The following RBM20 variants were observed in gnomAD, a reference collection of about 807,000 sequenced individuals.
RBM20 encodes RNA-binding protein 20.
RBM20 carries 51 observed loss-of-function variants against 110.1 expected under a neutral mutation model. That is an observed-to-expected ratio of 0.46 (90% CI 0.37 to 0.59). The LOEUF (loss-of-function observed/expected upper bound fraction) is 0.59. Ranked by LOEUF, RBM20 falls within the 20% of genes least tolerant of loss-of-function variation. The pLI, the probability that RBM20 is intolerant of heterozygous loss-of-function variation, is 0.00. For synonymous variants in RBM20, 589 were observed against 618.2 expected (o/e 0.95, Z 0.70); for missense variants, 1,512 against 1,574.9 (o/e 0.96, Z 0.68).
In RBM20 at chr10:110,782,913, A is replaced by C. The variant is rs79976826; in HGVS notation, c.1276-453A>C. The stretch of plus-strand genomic sequence containing the variant: ...TAGTCTTGGGAGGGGACTAGCTGAC[A>C]CGGGGAGGTGCTCAAGGATTTTGTC... On this transcript the variant is annotated intron_variant, in intron 2 of 13. Coordinates refer to ENST00000369519, the MANE Select transcript of RBM20 (RefSeq NM_001134363.3). Among the ~76,000 whole-genome samples the C allele has an allele frequency of 9.4e-3, 1,430 of 152,280 alleles. 16 individuals carry two copies. Among genetic ancestry groups the C allele is most frequent in the African/African-American group, 0.032 (1,342 of 41,552 alleles).
In RBM20 at chr10:110,768,324, G is replaced by A. The variant is rs565958236; in HGVS notation, c.192-12477G>A. On this transcript the variant is annotated intron_variant, in intron 1 of 13. Transcript: ENST00000369519. ...GATAGAGGCAAAAGCCAAAAGTAAT[G>A]CACATATAATATTCTCTGCCTTGGG... Among the ~76,000 whole-genome samples, 612 of 152,312 alleles carry A rather than the reference G, an allele frequency of 4.0e-3. 5 individuals are homozygous for A. Among genetic ancestry groups the A allele is most frequent in the African/African-American group, 0.014 (582 of 41,572 alleles).
In RBM20 at chr10:110,644,589, G is replaced by A. The variant is rs1564804199; in HGVS notation, c.135G>A (p.Pro45=). The A allele has an allele frequency of 2.0e-6, 3 of 1,524,516 alleles. No homozygotes were observed. Among genetic ancestry groups the A allele is most frequent in the East Asian group, 2.6e-5 (1 of 38,972 alleles). 94.4% of individuals were successfully genotyped at this position (1,524,516 alleles called of 1,614,324 possible). A position where few individuals can be genotyped will look rare whatever the true frequency, so the allele number is the denominator to read the frequency against. ...GCCCGCGAGGGATGCAGCAGCCGCCGCCGCCGCCCCAGCCACCGCCCCCGC... is the reference window on the plus strand; with the variant it reads ...GCCCGCGAGGGATGCAGCAGCCGCCACCGCCGCCCCAGCCACCGCCCCCGC... ...PSGPRGMQQP[P]PPPQPPPPPQ... is the part of the protein sequence containing the mutation. The change falls in exon 1 of 14, where the codon CCG becomes CCA. Residue 45 remains proline, a synonymous_variant. Coordinates refer to ENST00000369519, the MANE Select transcript of RBM20 (RefSeq NM_001134363.3). The surrounding 1 kb of genome is among the most constrained non-coding windows in gnomAD (Gnocchi z 4.3).
At chr10:110,747,300 G>A (rs911406973) in intron 1 of RBM20, among the ~76,000 whole-genome samples, 1 of 150,732 alleles carries the variant, frequency 6.6e-6, no homozygotes, top group Non-Finnish European at 1.5e-5. Context: ...TTTTTTTGGG[G>A]GGGGGGGTCA....
At chr10:110,826,173 T>C (rs894170850) in intron 12 of RBM20, among the ~76,000 whole-genome samples, 6 of 152,354 alleles carry the variant, frequency 3.9e-5, no homozygotes, top group Admixed American at 6.5e-5. Context: ...CCACCTCCCA[T>C]TGGATTTTAT....
intron 4 of RBM20, among the ~76,000 whole-genome samples, 173 bp downstream of exon 4, chr10:110,784,605 G>A (rs1429118211): frequency 6.6e-6 from 1 of 152,226 alleles, no homozygotes; most frequent in East Asian, 1.9e-4. Flanking sequence ...GGGCCCATCA[G>A]TATTCTCTGA....
chr10:110,684,436 A>G (rs922927853), intron 1 of RBM20, among the ~76,000 whole-genome samples: 2 of 151,896 alleles, frequency 1.3e-5, no homozygotes, highest in Non-Finnish European at 2.9e-5. Flanking sequence ...AAAGAAAAAG[A>G]AAAAGAAAAC....
chr10:110,792,454 G>T (rs763681644), intron 5 of RBM20, among the ~76,000 whole-genome samples: 2 of 152,164 alleles, frequency 1.3e-5, no homozygotes, highest in Admixed American at 6.5e-5. Flanking sequence ...TACATTCACG[G>T]TGGCATTTCA....
chr10:110,653,149 G>A (rs1861975754), intron 1 of RBM20, among the ~76,000 whole-genome samples: 2 of 152,170 alleles, frequency 1.3e-5, no homozygotes, highest in African/African-American at 4.8e-5. Context: ...GTTTAAAGAT[G>A]AACCTTTTGA....
chr10:110,668,918 C>G (rs1458394161), intron 1 of RBM20, among the ~76,000 whole-genome samples: 2 of 150,114 alleles, frequency 1.3e-5, no homozygotes, highest in Non-Finnish European at 3.0e-5. Context: ...ACCTACTGAT[C>G]ATTTTAAGTC....
At chr10:110,745,019 C>T (rs963510335) in intron 1 of RBM20, among the ~76,000 whole-genome samples, 2 of 152,210 alleles carry the variant, frequency 1.3e-5, no homozygotes, top group African/African-American at 2.4e-5. Context: ...GGGGTGCTGG[C>T]ATCTTTCTTA....
At chr10:110,732,522 A>G (rs1448548751) in intron 1 of RBM20, among the ~76,000 whole-genome samples, 4 of 152,220 alleles carry the variant, frequency 2.6e-5, no homozygotes, top group Admixed American at 2.0e-4. Context: ...CTCTGTCTCC[A>G]GCAGTTAGGG....
chr10:110,823,398 A>G, intron 11 of RBM20, 82 bp from the exon 12 acceptor site: 1 of 1,467,774 alleles, frequency 6.8e-7, no homozygotes, highest in African/African-American at 1.4e-5. Flanking sequence ...GCAGGCATAG[A>G]ATTTCAGGGA....
At position 110,690,417 on chromosome 10, in the gene RBM20, A is replaced by G. The variant is rs7895278; in HGVS notation, c.191+45772A>G. On this transcript the variant is annotated intron_variant, in intron 1 of 13. Transcript: ENST00000369519. ...CAAGACCCTGTCTCAAAAAAAAACA[A>G]AAAAACAAAACCTGTACAATTCACT... is the stretch of plus-strand genomic sequence containing the variant. Among the ~76,000 whole-genome samples the G allele has an allele frequency of 2.7e-3, 402 of 151,616 alleles. 2 individuals are homozygous for G. The highest frequency in any genetic ancestry group is 9.4e-3 in the African/African-American group (383 of 40,930).
At chr10:110,686,564 T>C (rs1862508043) in intron 1 of RBM20, among the ~76,000 whole-genome samples, 1 of 151,854 alleles carries the variant, frequency 6.6e-6, no homozygotes, top group African/African-American at 2.4e-5. Context: ...GTTCAAAGGC[T>C]GCAGTGAGCT....
chr10:110,773,584 G>C lies in RBM20; in HGVS notation c.192-7217G>C, dbSNP rs561776637. 1.2e-4 allele frequency among the ~76,000 whole-genome samples: 18 copies of C among 152,170 alleles called. No homozygotes were observed. In the South Asian group the frequency reaches 3.7e-3, roughly 32 times the overall value. ...TATAAAAATAAAGAATATTTTCAAA[G>C]AAATAAAAATGGTTCAGAAGGATGG... On this transcript the variant is annotated intron_variant, in intron 1 of 13. Transcript: ENST00000369519.
intron 1 of RBM20, chr10:110,761,264 A>G (rs1231635219): frequency 5.9e-5 from 9 of 151,370 alleles, no homozygotes; most frequent in African/African-American, 2.2e-4. Flanking sequence ...GAAAGAAGGG[A>G]AAAAAATTAC....
At position 110,781,538 on chromosome 10, in the gene RBM20, C is replaced by T. The variant is rs953453944; in HGVS notation, c.929C>T (p.Pro310Leu). ...GGGGGCCTGAAAAGTGAGGTCGGGC[C>T]ACTGCTGCAGGGCACAAACAGCCAA... ...QAGGLKSEVG[P>L]LLQGTNSQWE... Residue 310 changes from proline to leucine, a missense_variant, in exon 2 of 14, where the codon CCA (proline) becomes CTA (leucine). This residue lies in a region of RBM20 where 1,149 missense variants were observed against 1,169.4 expected (regional missense o/e 0.98). Coordinates refer to ENST00000369519, the MANE Select transcript of RBM20 (RefSeq NM_001134363.3). The T allele has an allele frequency of 6.6e-5, 103 of 1,551,560 alleles. No individual in the cohort carries two copies. Among genetic ancestry groups the T allele is most frequent in the Non-Finnish European group, 8.4e-5 (96 of 1,147,020 alleles).
intron 13 of RBM20, chr10:110,831,639 C>A (rs1223551602): frequency 3.4e-5 from 5 of 145,280 alleles, no homozygotes; most frequent in Non-Finnish European, 5.9e-5. Flanking sequence ...TTCTGTTCCC[C>A]TATGCAGGTA....
At chr10:110,759,540 C>T (rs536353460) in intron 1 of RBM20, among the ~76,000 whole-genome samples, 4 of 152,308 alleles carry the variant, frequency 2.6e-5, no homozygotes, top group African/African-American at 4.8e-5. Flanking sequence ...TCTCAGGCCA[C>T]GGAAGCCTCT....
Sources: gnomAD v4.1 joint callset for allele counts (sites outside exome capture counted in the v4.1 genomes callset) on GRCh38, gnomAD v4.1.1 for gene constraint, gnomAD v4.1.1 regional missense constraint, Gnocchi (gnomAD v3.1) non-coding constraint, MANE v1.5 for transcripts, NCBI Gene and HGNC (gene_info 2026-07-23, HGNC 2026-07-21) for gene names.